The following RAB6B variants were observed in gnomAD, a reference collection of about 807,000 sequenced individuals.
RAB6B encodes ras-related protein Rab-6B.
Under a neutral mutation model 31.2 loss-of-function variants are expected in RAB6B, and 7 were observed. That is an observed-to-expected ratio of 0.22 (90% confidence interval 0.13 to 0.42). The LOEUF is 0.42. RAB6B is among the 10% of genes least tolerant of loss of function. RAB6B has a pLI of 1.00. For synonymous variants in RAB6B, 105 were observed against 104.9 expected, an observed-to-expected ratio of 1.00 and a Z score of -0.01; for missense variants, 149 against 280.6, an observed-to-expected ratio of 0.53 and a Z score of 3.35.
At chr3:133,842,707 G>T (rs2107992272) in intron 2 of RAB6B, among the ~76,000 whole-genome samples, 1 of 152,300 alleles carries the variant, frequency 6.6e-6, no homozygotes, top group Non-Finnish European at 1.5e-5. Context: ...AGATCTATGA[G>T]TATTTTTCAT....
At chr3:133,888,057 C>A (rs1453654969) in intron 1 of RAB6B, among the ~76,000 whole-genome samples, 1 of 152,230 alleles carries the variant, frequency 6.6e-6, no homozygotes, top group East Asian at 1.9e-4. Context: ...AAACACTCCC[C>A]ACGAGTCATG....
At chr3:133,843,960 G>C (rs1458125074) in intron 2 of RAB6B, among the ~76,000 whole-genome samples, 1 of 152,170 alleles carries the variant, frequency 6.6e-6, no homozygotes, top group Non-Finnish European at 1.5e-5. Context: ...TTAAGTCACT[G>C]TTATTTTGGG....
At chr3:133,831,523 C>G (rs1349345341) in intron 7 of RAB6B, among the ~76,000 whole-genome samples, 1 of 152,226 alleles carries the variant, frequency 6.6e-6, no homozygotes, top group African/African-American at 2.4e-5. Context: ...ACAGGCCCAG[C>G]TCTTCCGCTA....
intron 7 of RAB6B, among the ~76,000 whole-genome samples, chr3:133,830,156 C>T (rs1433382621): frequency 1.3e-5 from 2 of 152,238 alleles, no homozygotes; most frequent in African/African-American, 2.4e-5. Context: ...CTGCCAGCTG[C>T]AGTTCTATGG....
chr3:133,844,947 G>GAAA (rs66909707), intron 2 of RAB6B, among the ~76,000 whole-genome samples: 5,145 of 145,384 alleles, frequency 0.035, 320 homozygotes, highest in African/African-American at 0.12. Context: ...TGGCTCAAAA[G>GAAA]AAAAAAAAAA....
At chr3:133,853,472 G>A (rs556623280) in intron 2 of RAB6B, among the ~76,000 whole-genome samples, 26 of 151,292 alleles carry the variant, frequency 1.7e-4, no homozygotes, top group Admixed American at 7.9e-4. Flanking sequence ...TATGTCTGCC[G>A]GCAAATCTAG....
intron 2 of RAB6B, among the ~76,000 whole-genome samples, chr3:133,853,613 C>G (rs999437744): frequency 1.3e-5 from 2 of 151,968 alleles, no homozygotes; most frequent in African/African-American, 4.8e-5. Context: ...GGGTAATATG[C>G]CAAGGGAGCC....
At chr3:133,890,983 A>G (rs2108017708) in intron 1 of RAB6B, among the ~76,000 whole-genome samples, 1 of 152,342 alleles carries the variant, frequency 6.6e-6, no homozygotes, top group East Asian at 1.9e-4. Context: ...CCAGGGGAGC[A>G]GGAGTGGAAG....
chr3:133,835,472 CTGTGTGTGTG>C (rs3840183), intron 6 of RAB6B, among the ~76,000 whole-genome samples: 7,123 of 146,730 alleles, frequency 0.049, 189 homozygotes, highest in African/African-American at 0.062. Context: ...TGTGGGTTTT[CTGTGTGTGTG>C]TGTGTGTGTG....
At chr3:133,870,939 C>A (rs182302131) in intron 1 of RAB6B, among the ~76,000 whole-genome samples, 37 of 152,328 alleles carry the variant, frequency 2.4e-4, no homozygotes, top group African/African-American at 8.9e-4. Flanking sequence ...TGGATGCTGG[C>A]CCTTCACAAT....
intron 7 of RAB6B, among the ~76,000 whole-genome samples, chr3:133,829,482 C>A (rs1242803484): frequency 6.6e-6 from 1 of 152,218 alleles, no homozygotes; most frequent in Non-Finnish European, 1.5e-5. Flanking sequence ...CACAGCCAGG[C>A]TGGCCCTCTG....
rs1296401730 is a variant in RAB6B, at chr3:133,827,794, G to A, written c.*994C>T. The A allele has an allele frequency of 6.0e-6, 2 of 332,376 alleles. No homozygotes were observed. Among genetic ancestry groups the A allele is most frequent in the Non-Finnish European group, 5.9e-6 (1 of 168,858 alleles). 20.6% of individuals were successfully genotyped at this position (332,376 alleles called of 1,614,324 possible). A position where few individuals can be genotyped will look rare whatever the true frequency, so the allele number is the denominator to read the frequency against. On this transcript the variant is annotated 3_prime_UTR_variant, in exon 8 of 8. Transcript: ENST00000285208. ...CATCACAGAGGATCAACTCCAGGTG[G>A]TCCAGCTTCCCTGACATCCAGGAGG...
rs1036689574 is a variant in RAB6B at position 133,833,982 on chromosome 3, T to C, written c.562+593A>G. Among the ~76,000 whole-genome samples the C allele has an allele frequency of 2.3e-4, 35 of 152,356 alleles. 1 individual carries two copies. The highest frequency in any genetic ancestry group is 1.4e-3 in the Admixed American group (21 of 15,308). On this transcript the variant is annotated intron_variant, in intron 7 of 7. Transcript: ENST00000285208. ...TGAATCCTAACTGTAACTTACATGC[T>C]GTGTGACACTGGGCAAACCAGACTA...
chr3:133,851,032 AC>A (rs1177382211), intron 2 of RAB6B, among the ~76,000 whole-genome samples: 1 of 149,862 alleles, frequency 6.7e-6, no homozygotes, highest in Admixed American at 6.7e-5. Flanking sequence ...AAAAAAAAAA[AC>A]CGTGGAAACA....
At position 133,827,584 on chromosome 3, in the gene RAB6B, G is replaced by GCCACAGTAGC; in HGVS notation, c.*1194_*1203dup. ...CACATCCTCAGGTGACCACAGCGCA[G>GCCACAGTAGC]CCACAGTAGCCACAAAGATATGTCC... is the stretch of plus-strand genomic sequence containing the variant. On this transcript the variant is annotated 3_prime_UTR_variant, in exon 8 of 8. Coordinates refer to ENST00000285208, the MANE Select transcript of RAB6B (RefSeq NM_016577.4). 2.9e-6 allele frequency: 1 copy of GCCACAGTAGC among 345,764 alleles called. No homozygotes were observed. The highest frequency in any genetic ancestry group is 4.6e-5 in the South Asian group (1 of 21,824). 21.4% of individuals were successfully genotyped at this position (345,764 alleles called of 1,614,324 possible).
In RAB6B at chr3:133,895,460, C is replaced by G; in HGVS notation, c.7G>C (p.Ala3Pro). Reference sequence around the variant, plus strand: ...AGTGGATTCCCAAAATCTCCCCCTGCGGACATGGTGCTGGCAGCCGGGGCC... The same window carrying G: ...AGTGGATTCCCAAAATCTCCCCCTGGGGACATGGTGCTGGCAGCCGGGGCC... Reference protein sequence around the residue: MSAGGDFGNPLRK... With the variant: MSPGGDFGNPLRK... Residue 3 changes from alanine (A) to proline (P), a missense_variant, in exon 1 of 8, where the codon GCA (alanine) becomes CCA (proline). Physicochemically the swap from Ala to Pro is conservative, Grantham distance 27 (BLOSUM62 -1). This residue lies in a region of RAB6B where 75 missense variants were observed against 180.1 expected (regional missense o/e 0.42). Transcript: ENST00000285208. The G allele has an allele frequency of 5.0e-6, 8 of 1,610,560 alleles. No individual in the cohort carries two copies. The highest frequency in any genetic ancestry group is 6.8e-6 in the Non-Finnish European group (8 of 1,178,486).
intron 1 of RAB6B, among the ~76,000 whole-genome samples, chr3:133,874,349 G>A (rs1936363852): frequency 6.6e-6 from 1 of 152,158 alleles, no homozygotes; most frequent in Admixed American, 6.5e-5. Flanking sequence ...AGGCTATAAT[G>A]GTACCCTATT....
chr3:133,854,150 C>A (rs151289644), intron 2 of RAB6B, among the ~76,000 whole-genome samples: 1 of 152,304 alleles, frequency 6.6e-6, no homozygotes, highest in East Asian at 1.9e-4. Context: ...CTTCTTTGCC[C>A]TAGGAACCTT....
At position 133,827,681 on chromosome 3, in the gene RAB6B, C is replaced by A; in HGVS notation, c.*1107G>T. On this transcript the variant is annotated 3_prime_UTR_variant, in exon 8 of 8. Transcript: ENST00000285208. ...CAAATCAGCTTTTCCAGAAAGCACT[C>A]AACAATATTAGCAGCTGAGGCTCTA... is the stretch of plus-strand genomic sequence containing the variant. 1.7e-6 allele frequency: 1 copy of A among 571,636 alleles called. No homozygotes were observed. Among genetic ancestry groups the A allele is most frequent in the Non-Finnish European group, 3.1e-6 (1 of 322,340 alleles). 35.4% of individuals were successfully genotyped at this position (571,636 alleles called of 1,614,324 possible). A position where few individuals can be genotyped will look rare whatever the true frequency, so the allele number is the denominator to read the frequency against.
Sources: gnomAD v4.1 joint callset for allele counts (sites outside exome capture counted in the v4.1 genomes callset) on GRCh38, gnomAD v4.1.1 for gene constraint, gnomAD v4.1.1 regional missense constraint, MANE v1.5 for transcripts, NCBI Gene and HGNC (gene_info 2026-07-23, HGNC 2026-07-21) for gene names.